The following FHIT variants were observed in gnomAD, a reference collection of about 807,000 sequenced individuals.
FHIT encodes the protein fragile histidine triad diadenosine triphosphatase, also known as bis(5'-adenosyl)-triphosphatase.
A neutral mutation model predicts 17.9 loss-of-function variants in FHIT; 19 were observed. The observed-to-expected ratio is 1.06, with a 90% CI of 0.74 to 1.56. The LOEUF (loss-of-function observed/expected upper bound fraction) is 1.56. FHIT is among the 40% of genes most tolerant of loss of function. The pLI is 0.00. For missense variants in FHIT, 248 were observed against 189.2 expected (o/e 1.31, Z -1.82); for synonymous variants, 81 against 69.7 (o/e 1.16, Z -0.81).
chr3:59,876,768 C>T (rs1181942947), intron 8 of FHIT, among the ~76,000 whole-genome samples: 6 of 152,206 alleles, frequency 3.9e-5, no homozygotes, highest in African/African-American at 1.4e-4. Flanking sequence ...TTTCTGTTCC[C>T]CCTTCTTACC....
At chr3:60,470,855 A>C (rs2033055022) in intron 5 of FHIT, among the ~76,000 whole-genome samples, 1 of 152,164 alleles carries the variant, frequency 6.6e-6, no homozygotes, top group Non-Finnish European at 1.5e-5. Flanking sequence ...AGTCTCACTC[A>C]AGGCCTGCAG....
At chr3:60,300,822 C>G (rs1175119372) in intron 5 of FHIT, among the ~76,000 whole-genome samples, 2 of 152,018 alleles carry the variant, frequency 1.3e-5, no homozygotes, top group African/African-American at 4.8e-5. Flanking sequence ...CCCCACCAGT[C>G]AAAATAAGAA....
intron 2 of FHIT, among the ~76,000 whole-genome samples, chr3:61,072,673 AT>A (rs1402277392): frequency 2.6e-5 from 4 of 151,882 alleles, no homozygotes; most frequent in African/African-American, 7.3e-5. Flanking sequence ...GCATGGCCCT[AT>A]TTTTTTTATT....
intron 5 of FHIT, among the ~76,000 whole-genome samples, chr3:60,028,092 C>G (rs1037143831): frequency 6.6e-6 from 1 of 152,234 alleles, no homozygotes; most frequent in East Asian, 1.9e-4. Flanking sequence ...TTTATGGTAA[C>G]AAGGAGTGGT....
intron 5 of FHIT, among the ~76,000 whole-genome samples, chr3:60,093,145 T>C (rs1043730481): frequency 3.3e-5 from 5 of 152,122 alleles, no homozygotes; most frequent in African/African-American, 4.8e-5. Context: ...CTTCTGGAAG[T>C]TGGGGGTCTG....
At chr3:60,717,814 C>T (rs1286856969) in intron 4 of FHIT, among the ~76,000 whole-genome samples, 2 of 152,178 alleles carry the variant, frequency 1.3e-5, no homozygotes, top group African/African-American at 4.8e-5. Context: ...TTAGCCAACT[C>T]TGCCACCTAC....
At chr3:61,228,005 T>C (rs1225578010) in intron 1 of FHIT, among the ~76,000 whole-genome samples, 2 of 152,148 alleles carry the variant, frequency 1.3e-5, no homozygotes, top group Non-Finnish European at 2.9e-5. Flanking sequence ...AGCAATGACT[T>C]TAGCAGCTGC....
chr3:61,204,556 T>C (rs564284957), intron 1 of FHIT, among the ~76,000 whole-genome samples: 2 of 152,184 alleles, frequency 1.3e-5, no homozygotes, highest in East Asian at 3.9e-4. Context: ...CTGAATAGAA[T>C]ATAAAAAAGA....
At chr3:60,959,443 T>C (rs549807305) in intron 3 of FHIT, among the ~76,000 whole-genome samples, 29 of 152,322 alleles carry the variant, frequency 1.9e-4, no homozygotes, top group African/African-American at 7.0e-4. Context: ...ACAAACAGCA[T>C]ATGCCAAGCT....
chr3:60,584,150 T>G (rs1047688450), intron 4 of FHIT, among the ~76,000 whole-genome samples: 1 of 152,042 alleles, frequency 6.6e-6, no homozygotes, highest in East Asian at 1.9e-4. Flanking sequence ...CCATCTCCTA[T>G]CAGCTCATAG....
At chr3:60,566,464 T>C (rs2107653158) in intron 4 of FHIT, among the ~76,000 whole-genome samples, 1 of 152,266 alleles carries the variant, frequency 6.6e-6, no homozygotes, top group East Asian at 1.9e-4. Context: ...TATCTCAAAA[T>C]AATAAGAGCT....
chr3:60,191,739 G>C (rs1702412207), intron 5 of FHIT, among the ~76,000 whole-genome samples: 2 of 151,968 alleles, frequency 1.3e-5, no homozygotes, highest in South Asian at 4.2e-4. Flanking sequence ...ACAGATTAAA[G>C]ATTAAAAATT....
intron 3 of FHIT, among the ~76,000 whole-genome samples, chr3:60,845,061 T>C (rs1553746082): frequency 6.6e-6 from 1 of 152,122 alleles, no homozygotes; most frequent in African/African-American, 2.4e-5. Context: ...ATGAAGTTTA[T>C]TTTCAAAGGA....
chr3:59,918,921 T>A (rs977782714), intron 8 of FHIT, among the ~76,000 whole-genome samples: 1 of 152,134 alleles, frequency 6.6e-6, no homozygotes, highest in African/African-American at 2.4e-5. Context: ...TATGCAATGC[T>A]GAGCTGCAGG....
At chr3:60,585,830 T>C (rs1032372790) in intron 4 of FHIT, among the ~76,000 whole-genome samples, 1 of 151,988 alleles carries the variant, frequency 6.6e-6, no homozygotes, top group African/African-American at 2.4e-5. Context: ...TAGGCATTAT[T>C]ACAGTTGTTT....
chr3:60,199,310 T>C (rs1334847806), intron 5 of FHIT, among the ~76,000 whole-genome samples: 1 of 152,184 alleles, frequency 6.6e-6, no homozygotes, highest in Non-Finnish European at 1.5e-5. Flanking sequence ...TGATGCTCTC[T>C]GACATCATCT....
chr3:60,421,921 C>T (rs1265400864), intron 5 of FHIT, among the ~76,000 whole-genome samples: 1 of 152,064 alleles, frequency 6.6e-6, no homozygotes, highest in Non-Finnish European at 1.5e-5. Context: ...TGCAAAACTC[C>T]ACTGGCAAGG....
intron 7 of FHIT, among the ~76,000 whole-genome samples, chr3:59,991,045 T>C (rs1025818177): frequency 5.3e-5 from 8 of 152,072 alleles, no homozygotes; most frequent in Non-Finnish European, 1.0e-4. Context: ...AGATGAGGTA[T>C]TGTGGGTAAA....
intron 4 of FHIT, among the ~76,000 whole-genome samples, chr3:60,658,730 T>C (rs1420311110): frequency 3.9e-5 from 6 of 152,118 alleles, no homozygotes; most frequent in African/African-American, 1.4e-4. Context: ...TACTAGCTTT[T>C]AGACTAATAA....
Sources: gnomAD v4.1 joint callset for allele counts (sites outside exome capture counted in the v4.1 genomes callset) on GRCh38, gnomAD v4.1.1 for gene constraint, MANE v1.5 for transcripts, NCBI Gene and HGNC (gene_info 2026-07-23, HGNC 2026-07-21) for gene names.